CRB1: variants seen among roughly 807,000 people sequenced by gnomAD.
CRB1 encodes protein crumbs homolog 1.
In CRB1, 83 loss-of-function variants were observed where a neutral mutation model predicts 120.0. The ratio of observed to expected loss-of-function variants is 0.69; its 90% CI spans 0.58 to 0.83. CRB1 has a LOEUF of 0.83. Among genes scored for constraint, CRB1 ranks in the 40% least tolerant of loss-of-function variants. CRB1 has a pLI of 0.00. For missense variants in CRB1, 1,699 were observed against 1,687.6 expected (o/e 1.01, Z -0.12); for synonymous variants, 625 against 612.5 (o/e 1.02, Z -0.30).
intron 5 of CRB1, among the ~76,000 whole-genome samples, chr1:197,392,777 C>A (rs1662572564): frequency 6.6e-6 from 1 of 151,976 alleles, no homozygotes; most frequent in Non-Finnish European, 1.5e-5. Flanking sequence ...GCAAAGTTCA[C>A]CAGATCTTCA....
At chr1:197,284,716 G>T (rs578219258) in intron 1 of CRB1, among the ~76,000 whole-genome samples, 17 of 152,006 alleles carry the variant, frequency 1.1e-4, no homozygotes, top group African/African-American at 4.1e-4. Flanking sequence ...TCAGGATAGT[G>T]CCTGACACGT....
chr1:197,419,989 A>G (rs1332919134), intron 5 of CRB1, among the ~76,000 whole-genome samples: 2 of 79,778 alleles, frequency 2.5e-5, no homozygotes, highest in Non-Finnish European at 3.7e-5. Context: ...TCAAAAACGA[A>G]AAAAAAAAAA....
chr1:197,471,297 TC>T (rs2125563281), intron 11 of CRB1, among the ~76,000 whole-genome samples: 1 of 152,312 alleles, frequency 6.6e-6, no homozygotes, highest in Non-Finnish European at 1.5e-5. Context: ...TTGGATTCCT[TC>T]TTTTTCCAGC....
intron 1 of CRB1, among the ~76,000 whole-genome samples, chr1:197,322,648 A>G (rs1417951471): frequency 1.3e-5 from 2 of 152,108 alleles, no homozygotes; most frequent in Non-Finnish European, 2.9e-5. Flanking sequence ...CAGCACTGGT[A>G]TAGGTGCTTG....
At chr1:197,413,632 T>G (rs781268900) in intron 5 of CRB1, among the ~76,000 whole-genome samples, 1 of 152,238 alleles carries the variant, frequency 6.6e-6, no homozygotes, top group African/African-American at 2.4e-5. Context: ...TTCATAATAA[T>G]ACTGTCAGCG....
chr1:197,419,368 T>G (rs1393311812), intron 5 of CRB1, among the ~76,000 whole-genome samples: 1 of 151,552 alleles, frequency 6.6e-6, no homozygotes. Context: ...GGATTCTTTT[T>G]TTTTTTTTTT....
chr1:197,283,641 ATATACCACAGTTTCTT>A (rs1381092211), intron 1 of CRB1, among the ~76,000 whole-genome samples: 1 of 151,774 alleles, frequency 6.6e-6, no homozygotes, highest in Non-Finnish European at 1.5e-5. Context: ...ATATATATCG[ATATACCACAGTTTCTT>A]TATACCACAG....
the CRB1 span, among the ~76,000 whole-genome samples, chr1:197,237,040 G>A: frequency 6.6e-6 from 1 of 151,670 alleles, no homozygotes; most frequent in Non-Finnish European, 1.5e-5. Flanking sequence ...ACCTCGGAAT[G>A]AGTCTGCAAA....
rs542329286 is a variant in CRB1 at position 197,438,864 on chromosome 1, T to C, written c.3878+189T>C. On this transcript the variant is annotated intron_variant, in intron 10 of 11. Transcript: ENST00000367400. ...ACAGTTTAGGTCAAAGGGGAGAACA[T>C]TTTATTAGACAAAACTTCAAATAGG... is the stretch of plus-strand genomic sequence containing the variant. 8.6e-6 allele frequency: 5 copies of C among 578,998 alleles called. 1 individual carries two copies. In the Admixed American group the frequency reaches 9.5e-5, roughly 11 times the overall value. 35.9% of individuals were successfully genotyped at this position (578,998 alleles called of 1,614,324 possible).
intron 5 of CRB1, among the ~76,000 whole-genome samples, chr1:197,383,880 G>T (rs1662082017): frequency 6.6e-6 from 1 of 152,182 alleles, no homozygotes; most frequent in Admixed American, 6.6e-5. Context: ...CAAATAAAGA[G>T]AATATATAAG....
At chr1:197,457,395 T>C (rs557321509) in intron 11 of CRB1, among the ~76,000 whole-genome samples, 1 of 152,122 alleles carries the variant, frequency 6.6e-6, no homozygotes, top group South Asian at 2.1e-4. Flanking sequence ...AAGTATCTTT[T>C]CCAAGGCTCT....
chr1:197,310,441 CCTGCAT>C (rs1430006040), intron 1 of CRB1, among the ~76,000 whole-genome samples: 1 of 152,120 alleles, frequency 6.6e-6, no homozygotes, highest in Non-Finnish European at 1.5e-5. Flanking sequence ...TTGTCAGATC[CCTGCAT>C]CTGCAGACCA....
In CRB1 at chr1:197,279,670, A is replaced by T. The variant is rs1655413162; in HGVS notation, c.70+11188A>T. On this transcript the variant is annotated intron_variant, in intron 1 of 11. Coordinates refer to ENST00000367400, the MANE Select transcript of CRB1 (RefSeq NM_201253.3). Reference sequence around the variant, plus strand: ...GAACTACTTGAAGTTCAGAATAGCCATAGAACTAAGGCAAAGTTTGCATAA... The same window carrying T: ...GAACTACTTGAAGTTCAGAATAGCCTTAGAACTAAGGCAAAGTTTGCATAA... Among the ~76,000 whole-genome samples the T allele has an allele frequency of 3.3e-5, 5 of 151,712 alleles. No homozygotes were observed. In the South Asian group the frequency reaches 1.0e-3, roughly 31 times the overall value.
intron 11 of CRB1, among the ~76,000 whole-genome samples, chr1:197,473,253 A>G (rs1193537790): frequency 6.6e-6 from 1 of 152,224 alleles, no homozygotes; most frequent in Non-Finnish European, 1.5e-5. Context: ...TGCTGTTTCC[A>G]GTTCCCCTTC....
chr1:197,327,035 A>T (rs1042540769), intron 1 of CRB1, among the ~76,000 whole-genome samples: 1 of 150,752 alleles, frequency 6.6e-6, no homozygotes, highest in Non-Finnish European at 1.5e-5. Flanking sequence ...GCATTTACCA[A>T]ACACTTACGA....
chr1:197,255,821 A>G, the CRB1 span, among the ~76,000 whole-genome samples: 2 of 151,666 alleles, frequency 1.3e-5, no homozygotes, highest in Non-Finnish European at 2.9e-5. Context: ...ATTAAGTACT[A>G]AAAACATAGA....
At chr1:197,445,569 T>G (rs999075867) in intron 11 of CRB1, among the ~76,000 whole-genome samples, 1 of 152,192 alleles carries the variant, frequency 6.6e-6, no homozygotes, top group African/African-American at 2.4e-5. Context: ...CTTCACTAAA[T>G]TTTCTTAAAA....
chr1:197,205,431 G>A, the CRB1 span, among the ~76,000 whole-genome samples: 6 of 152,084 alleles, frequency 3.9e-5, no homozygotes, highest in African/African-American at 1.4e-4. Flanking sequence ...CTTCTATGCC[G>A]ATTTTGCTGA....
chr1:197,379,165 G>A (rs755040357), intron 5 of CRB1, among the ~76,000 whole-genome samples: 8 of 152,098 alleles, frequency 5.3e-5, no homozygotes, highest in South Asian at 4.1e-4. Flanking sequence ...AAAGATGTAC[G>A]TAAAATCAAA....
Sources: allele counts gnomAD v4.1 joint callset (sites outside exome capture counted in the v4.1 genomes callset), GRCh38; gene constraint gnomAD v4.1.1; transcripts MANE v1.5; gene names NCBI Gene and HGNC (gene_info 2026-07-23, HGNC 2026-07-21).